Variants in PTPRK observed in about 807,000 individuals in gnomAD.
PTPRK encodes receptor-type tyrosine-protein phosphatase kappa.
PTPRK carries 75 observed loss-of-function variants against 178.0 expected under a neutral mutation model. The observed-to-expected ratio is 0.42, with a 90% CI of 0.35 to 0.51. The LOEUF (loss-of-function observed/expected upper bound fraction) is 0.51, where lower values mean the gene tolerates loss of function less well. Among genes scored for constraint, PTPRK ranks in the 20% least tolerant of loss-of-function variants. PTPRK has a pLI of 0.02. For missense variants in PTPRK, 1,441 were observed against 1,797.8 expected, an observed-to-expected ratio of 0.80 and a Z score of 3.59; for synonymous variants, 637 against 620.6, an observed-to-expected ratio of 1.03 and a Z score of -0.39.
intron 3 of PTPRK, among the ~76,000 whole-genome samples, chr6:128,316,714 T>C (rs1467608799): frequency 6.0e-5 from 9 of 150,804 alleles, no homozygotes; most frequent in Admixed American, 1.3e-4. Context: ...TTTTTCTTTT[T>C]TTTTTTTTTT....
chr6:127,973,748 C>T lies in PTPRK; in HGVS notation c.4049G>A (p.Arg1350Lys). 1 of 1,613,954 alleles carries T rather than the reference C, an allele frequency of 6.2e-7. No homozygotes were observed. The change falls in exon 28 of 30, where the codon AGG becomes AAG. Residue 1350 changes from arginine (R) to lysine (K), a missense_variant. Coordinates refer to ENST00000368226, the MANE Select transcript of PTPRK (RefSeq NM_002844.4). ...CTGAAGTATCAGTTTCAAGAATGAC[C>T]TTTTGGATCCAGGCACTTCTCGATG... ...ASHREVPGSK[R>K]SFLKLILQVE...
chr6:128,154,160 T>A (rs78989194), intron 7 of PTPRK, among the ~76,000 whole-genome samples: 73 of 151,910 alleles, frequency 4.8e-4, no homozygotes, highest in Non-Finnish European at 8.7e-4. Context: ...AATGTAGTGA[T>A]CTCAGTTGCA....
intron 11 of PTPRK, among the ~76,000 whole-genome samples, chr6:128,075,590 T>G (rs1343186392): frequency 6.6e-6 from 1 of 152,038 alleles, no homozygotes; most frequent in East Asian, 1.9e-4. Flanking sequence ...AATTTAGGAG[T>G]CTACCACTCA....
At chr6:128,358,159 A>G (rs1260480126) in intron 2 of PTPRK, among the ~76,000 whole-genome samples, 1 of 152,222 alleles carries the variant, frequency 6.6e-6, no homozygotes, top group African/African-American at 2.4e-5. Flanking sequence ...AGCCAAATGA[A>G]ATTCAAAACA....
At chr6:128,375,599 C>T (rs1207696757) in intron 2 of PTPRK, among the ~76,000 whole-genome samples, 1 of 152,068 alleles carries the variant, frequency 6.6e-6, no homozygotes, top group Non-Finnish European at 1.5e-5. Context: ...CCTCCGAAAT[C>T]TCATAACTTC....
intron 22 of PTPRK, among the ~76,000 whole-genome samples, chr6:127,983,632 CCA>C (rs1324246999): frequency 6.6e-6 from 1 of 152,150 alleles, no homozygotes; most frequent in Non-Finnish European, 1.5e-5. Flanking sequence ...TGTTTAAGTT[CCA>C]CACCTCTCTC....
At chr6:128,001,226 G>T (rs1489612260) in intron 15 of PTPRK, 1 of 1,531,532 alleles carries the variant, frequency 6.5e-7, no homozygotes, top group Non-Finnish European at 8.8e-7. Flanking sequence ...CAATGAAGCA[G>T]TAAAACACAA....
intron 9 of PTPRK, 37 bp from the exon 10 acceptor site, chr6:128,082,675 C>G (rs1582913814): frequency 6.9e-7 from 1 of 1,443,510 alleles, no homozygotes; most frequent in Middle Eastern, 2.2e-4. Context: ...TATCTAGTAT[C>G]CATCATAAGA....
intron 7 of PTPRK, among the ~76,000 whole-genome samples, chr6:128,132,128 T>C (rs578061824): frequency 1.3e-5 from 2 of 152,322 alleles, no homozygotes; most frequent in South Asian, 2.1e-4. Flanking sequence ...TAAAATACTA[T>C]AAAAGACAAA....
chr6:128,083,722 T>C lies in PTPRK; in HGVS notation c.1568A>G (p.Gln523Arg), dbSNP rs746065031. Residue 523 changes from glutamine (Q) to arginine (R), a missense_variant, in exon 9 of 30, where the codon CAA (glutamine) becomes CGA (arginine). Physicochemically the swap from Gln to Arg is conservative, Grantham distance 43. This residue lies in a region of PTPRK where 945 missense variants were observed against 1,080.6 expected (regional missense o/e 0.87). Transcript: ENST00000368226. Reference sequence around the variant, plus strand: ...TCCTTGTTCTCCCAATACCTCATATTGAGTGATGATTCCATTTGGATCCAA... The same window carrying C: ...TCCTTGTTCTCCCAATACCTCATATCGAGTGATGATTCCATTTGGATCCAA... Reference protein sequence around the residue: ...EPLDPNGIITQYEISYSSIRS... With the variant: ...EPLDPNGIITRYEISYSSIRS... 37 of 1,580,774 alleles carry C rather than the reference T, an allele frequency of 2.3e-5. No individual in the cohort carries two copies. In the East Asian group the frequency reaches 8.2e-4, roughly 35 times the overall value.
chr6:128,458,600 T>A (rs939859138), intron 1 of PTPRK, among the ~76,000 whole-genome samples: 3 of 152,228 alleles, frequency 2.0e-5, no homozygotes, highest in Non-Finnish European at 4.4e-5. Context: ...CGCACACACT[T>A]GCACACACAC....
At chr6:128,080,558 G>A (rs1244006745) in intron 10 of PTPRK, among the ~76,000 whole-genome samples, 2 of 152,056 alleles carry the variant, frequency 1.3e-5, no homozygotes, top group South Asian at 4.1e-4. Flanking sequence ...TTAGGAAGCA[G>A]AAACAACAAA....
chr6:128,505,447 A>C (rs1856192073), intron 1 of PTPRK, among the ~76,000 whole-genome samples: 1 of 151,902 alleles, frequency 6.6e-6, no homozygotes, highest in Non-Finnish European at 1.5e-5. Flanking sequence ...GTCTCAAAAA[A>C]AATAAATACA....
chr6:128,491,729 T>TA (rs976611485), intron 1 of PTPRK: 1 of 513,346 alleles, frequency 1.9e-6, no homozygotes, highest in Admixed American at 2.0e-5. Flanking sequence ...TTTCTCTTGT[T>TA]ACCTTTTCAA....
intron 1 of PTPRK, among the ~76,000 whole-genome samples, chr6:128,437,376 C>T (rs1208496771): frequency 6.6e-6 from 1 of 152,092 alleles, no homozygotes; most frequent in Admixed American, 6.5e-5. Flanking sequence ...GGCGGTGTGC[C>T]TCCTCTTGCA....
intron 2 of PTPRK, among the ~76,000 whole-genome samples, chr6:128,368,146 T>C (rs1177132083): frequency 6.6e-6 from 1 of 151,936 alleles, no homozygotes; most frequent in African/African-American, 2.4e-5. Flanking sequence ...CACTGAAATA[T>C]AGACATGAAA....
chr6:128,282,969 T>C (rs1821912520), intron 3 of PTPRK, among the ~76,000 whole-genome samples: 1 of 152,076 alleles, frequency 6.6e-6, no homozygotes, highest in Admixed American at 6.6e-5. Flanking sequence ...GTATAAAAAA[T>C]ATGAATATAT....
At chr6:128,239,706 AT>A (rs1372640440) in intron 5 of PTPRK, among the ~76,000 whole-genome samples, 1 of 152,230 alleles carries the variant, frequency 6.6e-6, no homozygotes, top group Admixed American at 6.5e-5. Context: ...AGTTTTAAAA[AT>A]ATTATTAAAT....
chr6:128,099,008 C>G (rs530182541), intron 7 of PTPRK, among the ~76,000 whole-genome samples: 1 of 151,742 alleles, frequency 6.6e-6, no homozygotes, highest in East Asian at 1.9e-4. Context: ...CATATCAATA[C>G]TTTATTACAA....
Sources: gnomAD v4.1 joint callset for allele counts (sites outside exome capture counted in the v4.1 genomes callset) on GRCh38, gnomAD v4.1.1 for gene constraint, gnomAD v4.1.1 regional missense constraint, MANE v1.5 for transcripts, NCBI Gene and HGNC (gene_info 2026-07-23, HGNC 2026-07-21) for gene names.